NEB: variants seen among roughly 807,000 people sequenced by gnomAD.
NEB encodes nemaline myopathy type 2.
A neutral mutation model predicts 952.2 loss-of-function variants in NEB; 512 were observed. The observed-to-expected ratio is 0.54, with a 90% CI of 0.50 to 0.58. The LOEUF (loss-of-function observed/expected upper bound fraction) is 0.58. Among genes scored for constraint, NEB ranks in the 20% least tolerant of loss-of-function variants. NEB has a pLI of 0.00. For missense variants in NEB, 8,428 were observed against 9,231.1 expected, an observed-to-expected ratio of 0.91 and a Z score of 3.56; for synonymous variants, 2,900 against 3,149.8, an observed-to-expected ratio of 0.92 and a Z score of 2.66.
At position 151,626,999 on chromosome 2, in the gene NEB, C is replaced by A. The variant is rs1226603362; in HGVS notation, c.10347+3G>T. On this transcript the variant is annotated splice_donor_region_variant and intron_variant, in intron 70 of 181. Coordinates refer to ENST00000397345, the MANE Select transcript of NEB (RefSeq NM_001164508.2). ...CTTATTTTCCTACAAATTGGGGGCTCACCTTGTTCATATTGAGAGCATTGT... is the reference window on the plus strand; with the variant it reads ...CTTATTTTCCTACAAATTGGGGGCTAACCTTGTTCATATTGAGAGCATTGT... 1 of 1,613,802 alleles carries A rather than the reference C, an allele frequency of 6.2e-7. No individual in the cohort carries two copies. Among genetic ancestry groups the A allele is most frequent in the East Asian group, 2.2e-5 (1 of 44,872 alleles).
intron 161 of NEB, among the ~76,000 whole-genome samples, chr2:151,509,261 T>C (rs10432479): frequency 0.61 from 93,169 of 152,092 alleles, 28,943 homozygotes; most frequent in East Asian, 0.77. Flanking sequence ...CGGTAGTTCA[T>C]CATGAACAAA....
chr2:151,539,736 T>C (rs147693870), intron 138 of NEB, among the ~76,000 whole-genome samples: 3 of 152,282 alleles, frequency 2.0e-5, no homozygotes, highest in Non-Finnish European at 4.4e-5. Context: ...TTGCCCTCGA[T>C]TGTGTGATAT....
intron 178 of NEB, 69 bp from the exon 179 acceptor site, chr2:151,491,844 G>T (rs2056844557): frequency 2.4e-6 from 3 of 1,275,092 alleles, no homozygotes; most frequent in African/African-American, 1.5e-5. Context: ...ACCAAGGCAT[G>T]AATTTTAACA....
intron 1 of NEB, 88 bp downstream of exon 1, chr2:151,734,310 T>G (rs576184961): frequency 6.6e-6 from 1 of 152,328 alleles, no homozygotes; most frequent in Non-Finnish European, 1.5e-5. Flanking sequence ...TCCTCAGTTA[T>G]GGCCCAAACC....
intron 70 of NEB, among the ~76,000 whole-genome samples, chr2:151,626,615 C>T (rs553835395): frequency 3.3e-3 from 494 of 151,998 alleles, no homozygotes; most frequent in Non-Finnish European, 5.4e-3. Flanking sequence ...CAGCTCACTA[C>T]GAGCTCCGCC....
At chr2:151,701,010 A>G (rs1442130283) in intron 13 of NEB, among the ~76,000 whole-genome samples, 3 of 63,514 alleles carry the variant, frequency 4.7e-5, no homozygotes, top group African/African-American at 9.0e-5. Flanking sequence ...TTTGTCATAG[A>G]TAGCTCTTAT....
At chr2:151,696,850 T>A in intron 16 of NEB, 115 bp from the exon 17 acceptor site, 1 of 736,736 alleles carries the variant, frequency 1.4e-6, no homozygotes, top group Non-Finnish European at 2.3e-6. Context: ...TTGTAGTTAA[T>A]AAAATATATT....
intron 34 of NEB, 25 bp from the exon 35 acceptor site, chr2:151,675,416 G>C (rs745386853): frequency 1.1e-5 from 16 of 1,417,838 alleles, no homozygotes; most frequent in Non-Finnish European, 9.7e-7. Flanking sequence ...ATTTCACATA[G>C]TGCAAAAAGG....
At position 151,663,541 on chromosome 2, in the gene NEB, C is replaced by T; in HGVS notation, c.5763+7G>A. On this transcript the variant is annotated splice_region_variant and intron_variant, in intron 45 of 181. Transcript: ENST00000397345. ...GTAAACGCTCTGCAAATGTGGTTTTCACGTACATCACTTTGAATCTGCATC... is the reference window on the plus strand; with the variant it reads ...GTAAACGCTCTGCAAATGTGGTTTTTACGTACATCACTTTGAATCTGCATC... 1 of 1,599,546 alleles carries T rather than the reference C, an allele frequency of 6.3e-7. No individual in the cohort carries two copies. Among genetic ancestry groups the T allele is most frequent in the Admixed American group, 1.7e-5 (1 of 59,646 alleles).
chr2:151,702,774 T>A lies in NEB; in HGVS notation c.1152+4107A>T, dbSNP rs1243715523. ...GCCTATGTGTGTCTCTGCACGTGAG[T>A]TGGGTTTCCTGAATACAGCACACTG... is the stretch of plus-strand genomic sequence containing the variant. On this transcript the variant is annotated intron_variant, in intron 13 of 181. Transcript: ENST00000397345. Among the ~76,000 whole-genome samples, 404 of 152,220 alleles carry A rather than the reference T, an allele frequency of 2.7e-3. 2 individuals carry two copies. Among genetic ancestry groups the A allele is most frequent in the African/African-American group, 9.1e-3 (379 of 41,524 alleles).
intron 119 of NEB, 60 bp downstream of exon 119, chr2:151,563,546 G>T: frequency 7.1e-7 from 1 of 1,406,326 alleles, no homozygotes; most frequent in Non-Finnish European, 1.0e-6. Flanking sequence ...TTATAAACAG[G>T]CAGACACGGC....
intron 124 of NEB, among the ~76,000 whole-genome samples, chr2:151,557,130 TAAA>T: frequency 6.6e-6 from 1 of 151,668 alleles, no homozygotes; most frequent in Middle Eastern, 3.4e-3. Flanking sequence ...GCAAGACTAA[TAAA>T]GAAGAAAAGA....
intron 10 of NEB, among the ~76,000 whole-genome samples, chr2:151,712,865 C>T (rs1281564447): frequency 6.6e-6 from 1 of 152,080 alleles, no homozygotes; most frequent in African/African-American, 2.4e-5. Context: ...ATTCAACCTT[C>T]CCAACATCCA....
At position 151,519,653 on chromosome 2, in the gene NEB, C is replaced by T. The variant is rs867989989; in HGVS notation, c.22590+5G>A. 2 of 1,592,262 alleles carry T rather than the reference C, an allele frequency of 1.3e-6. No individual in the cohort carries two copies. Among genetic ancestry groups the T allele is most frequent in the African/African-American group, 1.3e-5 (1 of 74,392 alleles). The stretch of plus-strand genomic sequence containing the variant: ...ATATATTTTACCACAATTTTAGAAA[C>T]ATACCTCACTTGCAAGATTATTAGC... On this transcript the variant is annotated splice_donor_5th_base_variant and intron_variant, in intron 154 of 181. Transcript: ENST00000397345.
chr2:151,729,580 G>A, intron 4 of NEB, 35 bp downstream of exon 4: 1 of 1,608,808 alleles, frequency 6.2e-7, no homozygotes, highest in Non-Finnish European at 8.5e-7. Context: ...GCTTTAATGA[G>A]AATGCAGTTT....
At position 151,656,174 on chromosome 2, in the gene NEB, A is replaced by G. The variant is rs1191985703; in HGVS notation, c.6474T>C (p.Asn2158=). ...PDAMNIELTR[N]MNRIQSDNEY... ...TTACATCACTCTGTATGCGATTCAT[A>G]TTCCTGGTCAGCTCAATGTTCATTG... Residue 2158 remains asparagine (N), a synonymous_variant, in exon 49 of 182, where the codon AAT becomes AAC. Transcript: ENST00000397345. The G allele has an allele frequency of 2.5e-6, 4 of 1,598,028 alleles. No individual in the cohort carries two copies. The African/African-American group carries it at 5.4e-5, about 21-fold the overall frequency.
rs1180478610 is a variant in NEB at position 151,629,562 on chromosome 2, C to A, written c.9808G>T (p.Ala3270Ser). ...SDAIPIVAAK[A>S]SRDVISDYKY... The stretch of plus-strand genomic sequence containing the variant: ...ACATCACTGATAACGTCCCTGGAGG[C>A]CTTGGCAGCCACGATGGGGATGGCG... The change falls in exon 68 of 182, where the codon GCC (alanine) becomes TCC (serine). Residue 3270 changes from alanine to serine, a missense_variant. This residue lies in a region of NEB where 1,772 missense variants were observed against 1,960.3 expected (regional missense o/e 0.90). Coordinates refer to ENST00000397345, the MANE Select transcript of NEB (RefSeq NM_001164508.2). The A allele has an allele frequency of 6.2e-7, 1 of 1,613,604 alleles. No individual in the cohort carries two copies. The highest frequency in any genetic ancestry group is 1.3e-5 in the African/African-American group (1 of 74,900).
intron 105 of NEB, among the ~76,000 whole-genome samples, chr2:151,578,566 C>A (rs2096966286): frequency 6.6e-6 from 1 of 151,378 alleles, no homozygotes; most frequent in Admixed American, 6.6e-5. Flanking sequence ...GAGGCTGAGG[C>A]AGAAGAATCG....
intron 52 of NEB, among the ~76,000 whole-genome samples, chr2:151,652,481 T>C (rs1405702397): frequency 6.6e-6 from 1 of 152,142 alleles, no homozygotes; most frequent in Non-Finnish European, 1.5e-5. Context: ...TGCCTTGGCC[T>C]CCCAAAGTGC....
Sources: allele counts gnomAD v4.1 joint callset (sites outside exome capture counted in the v4.1 genomes callset), GRCh38; gene constraint gnomAD v4.1.1; regional missense constraint gnomAD v4.1.1; transcripts MANE v1.5; gene names NCBI Gene and HGNC (gene_info 2026-07-23, HGNC 2026-07-21).